MACROD2: variants seen among roughly 807,000 people sequenced by gnomAD.
MACROD2 encodes ADP-ribose glycohydrolase MACROD2.
MACROD2 carries 36 observed loss-of-function variants against 70.4 expected under a neutral mutation model. That is an observed-to-expected ratio of 0.51 (90% CI 0.39 to 0.68). The LOEUF (loss-of-function observed/expected upper bound fraction) is 0.68. MACROD2 is among the 30% of genes least tolerant of loss of function. The probability of loss-of-function intolerance (pLI) is 0.00; values close to 1 mark genes in which losing one functional copy is unlikely to be tolerated. For synonymous variants in MACROD2, 172 were observed against 178.8 expected (o/e 0.96, Z 0.30); for missense variants, 496 against 538.4 (o/e 0.92, Z 0.78).
chr20:14,924,908 T>A (rs2074210642), intron 5 of MACROD2, among the ~76,000 whole-genome samples: 1 of 152,162 alleles, frequency 6.6e-6, no homozygotes, highest in Non-Finnish European at 1.5e-5. Context: ...ATTTGTAATA[T>A]AAATAACCCT....
chr20:14,029,337 T>C (rs1378265092), intron 2 of MACROD2, among the ~76,000 whole-genome samples: 1 of 152,250 alleles, frequency 6.6e-6, no homozygotes, highest in Non-Finnish European at 1.5e-5. Flanking sequence ...TATAGTATGT[T>C]GAATTTGTTT....
chr20:15,013,221 G>A (rs1324281508), intron 5 of MACROD2, among the ~76,000 whole-genome samples: 1 of 152,026 alleles, frequency 6.6e-6, no homozygotes, highest in Non-Finnish European at 1.5e-5. Flanking sequence ...TTAGCTCAAC[G>A]AAGCCCCTGA....
Position 15,918,440 on chromosome 20 carries a change from G to A in MACROD2, c.776-14836G>A, listed in dbSNP as rs528770066. ...GAAAACTTTTGCTCTAACTTGACATGTTTTAATTGGCGTTTTATGTCACAA... is the reference window on the plus strand; with the variant it reads ...GAAAACTTTTGCTCTAACTTGACATATTTTAATTGGCGTTTTATGTCACAA... On this transcript the variant is annotated intron_variant, in intron 10 of 17. Transcript: ENST00000684519. Among the ~76,000 whole-genome samples, 4 of 152,260 alleles carry A rather than the reference G, an allele frequency of 2.6e-5. No homozygotes were observed. The South Asian group carries it at 8.3e-4, about 32-fold the overall frequency.
intron 5 of MACROD2, among the ~76,000 whole-genome samples, chr20:14,721,605 T>C (rs1461648303): frequency 6.6e-6 from 1 of 152,164 alleles, no homozygotes; most frequent in Non-Finnish European, 1.5e-5. Flanking sequence ...AGCTTGTGGG[T>C]GATTCCTCTG....
chr20:15,932,919 C>T (rs867634808), intron 10 of MACROD2, among the ~76,000 whole-genome samples: 1 of 152,226 alleles, frequency 6.6e-6, no homozygotes, highest in Middle Eastern at 3.4e-3. Flanking sequence ...GCCAACCTTC[C>T]TTACACAGTG....
At chr20:14,131,592 A>G (rs2054718884) in intron 3 of MACROD2, among the ~76,000 whole-genome samples, 1 of 152,220 alleles carries the variant, frequency 6.6e-6, no homozygotes, top group Non-Finnish European at 1.5e-5. Flanking sequence ...GTTTTTGATT[A>G]TTCACACTAA....
At chr20:14,207,724 G>C (rs1218392526) in intron 3 of MACROD2, among the ~76,000 whole-genome samples, 1 of 152,138 alleles carries the variant, frequency 6.6e-6, no homozygotes, top group African/African-American at 2.4e-5. Context: ...TTAAATAAGA[G>C]AAAAACTTTG....
chr20:15,477,379 T>A (rs1011721067), intron 7 of MACROD2, among the ~76,000 whole-genome samples: 11 of 152,162 alleles, frequency 7.2e-5, no homozygotes, highest in African/African-American at 2.7e-4. Flanking sequence ...ATGCCCAGCC[T>A]GGTGTATTAT....
At chr20:16,035,177 T>C (rs6110878) in intron 15 of MACROD2, among the ~76,000 whole-genome samples, 93,014 of 120,788 alleles carry the variant, frequency 0.77, 35,945 homozygotes, top group Non-Finnish European at 0.83. Flanking sequence ...TATAAAATAT[T>C]ATATATTATA....
intron 8 of MACROD2, among the ~76,000 whole-genome samples, chr20:15,569,541 C>T (rs2048349971): frequency 6.6e-6 from 1 of 152,212 alleles, no homozygotes; most frequent in African/African-American, 2.4e-5. Context: ...CCTCTAGTCC[C>T]TGTTCCCCAG....
At chr20:14,732,445 G>T (rs2071610375) in intron 5 of MACROD2, among the ~76,000 whole-genome samples, 1 of 152,110 alleles carries the variant, frequency 6.6e-6, no homozygotes, top group Non-Finnish European at 1.5e-5. Context: ...CACTGGGAAG[G>T]CAGAGAGCAT....
intron 4 of MACROD2, among the ~76,000 whole-genome samples, chr20:14,516,176 G>T (rs1310143368): frequency 6.6e-6 from 1 of 151,426 alleles, no homozygotes; most frequent in Non-Finnish European, 1.5e-5. Context: ...AACAAGTATT[G>T]CTCACCTCAG....
intron 8 of MACROD2, among the ~76,000 whole-genome samples, chr20:15,681,249 T>A (rs1268765155): frequency 6.6e-6 from 1 of 152,356 alleles, no homozygotes. Flanking sequence ...AGTCTTCATA[T>A]GTAATTTGTG....
intron 5 of MACROD2, among the ~76,000 whole-genome samples, chr20:15,001,552 G>A (rs965728325): frequency 6.6e-6 from 1 of 152,042 alleles, no homozygotes; most frequent in East Asian, 1.9e-4. Context: ...TTTGTCATTG[G>A]TTTGCAAGTA....
At chr20:15,617,827 G>A (rs947526686) in intron 8 of MACROD2, among the ~76,000 whole-genome samples, 4 of 152,188 alleles carry the variant, frequency 2.6e-5, no homozygotes, top group Non-Finnish European at 5.9e-5. Context: ...GGAAGGTGGG[G>A]GTGGAGAGGA....
intron 6 of MACROD2, among the ~76,000 whole-genome samples, chr20:15,280,359 T>C (rs1198354441): frequency 6.6e-6 from 1 of 152,166 alleles, no homozygotes; most frequent in Non-Finnish European, 1.5e-5. Context: ...GTTGGGGTAA[T>C]AGTCACAGAC....
At chr20:14,450,983 T>C (rs2084238906) in intron 3 of MACROD2, among the ~76,000 whole-genome samples, 1 of 152,074 alleles carries the variant, frequency 6.6e-6, no homozygotes, top group East Asian at 1.9e-4. Context: ...GGGGTCAATA[T>C]GGACTCTTCA....
intron 4 of MACROD2, among the ~76,000 whole-genome samples, chr20:14,502,668 A>G (rs911140454): frequency 8.5e-5 from 13 of 152,180 alleles, no homozygotes; most frequent in African/African-American, 2.9e-4. Flanking sequence ...CTGAAAGATG[A>G]AAGTTGCTGG....
At chr20:14,826,529 C>T (rs945641911) in intron 5 of MACROD2, among the ~76,000 whole-genome samples, 1 of 151,878 alleles carries the variant, frequency 6.6e-6, no homozygotes, top group African/African-American at 2.4e-5. Context: ...TACTCCAGAC[C>T]CTAATAGTCT....
Sources: allele counts gnomAD v4.1 joint callset (sites outside exome capture counted in the v4.1 genomes callset), GRCh38; gene constraint gnomAD v4.1.1; transcripts MANE v1.5; gene names NCBI Gene and HGNC (gene_info 2026-07-23, HGNC 2026-07-21).